Variants in XIRP2 observed in about 807,000 individuals in gnomAD.
The protein encoded by XIRP2 is xin actin-binding repeat-containing protein 2.
Under a neutral mutation model 277.0 loss-of-function variants are expected in XIRP2, and 236 were observed. The ratio of observed to expected loss-of-function variants is 0.85; its 90% CI spans 0.77 to 0.95. The LOEUF (loss-of-function observed/expected upper bound fraction) is 0.95, where lower values mean the gene tolerates loss of function less well. Ranked by LOEUF, XIRP2 falls within the 40% of genes least tolerant of loss-of-function variation. The probability of loss-of-function intolerance (pLI) is 0.00; values close to 1 mark genes in which losing one functional copy is unlikely to be tolerated. For synonymous variants in XIRP2, 1,490 were observed against 1,416.5 expected, an observed-to-expected ratio of 1.05 and a Z score of -1.17; for missense variants, 4,640 against 4,157.5, an observed-to-expected ratio of 1.12 and a Z score of -3.19.
At chr2:167,220,533 TTTC>T (rs1387237343) in intron 5 of XIRP2, among the ~76,000 whole-genome samples, 1 of 152,228 alleles carries the variant, frequency 6.6e-6, no homozygotes, top group Non-Finnish European at 1.5e-5. Flanking sequence ...CTTTATCAGA[TTTC>T]TTCTTCTTAA....
At chr2:167,197,582 A>C (rs1015308649) in intron 3 of XIRP2, among the ~76,000 whole-genome samples, 3 of 152,106 alleles carry the variant, frequency 2.0e-5, no homozygotes, top group Admixed American at 6.5e-5. Flanking sequence ...GCCACTCACT[A>C]TTAGGGAACA....
At chr2:166,985,875 A>C (rs1330113223) in intron 2 of XIRP2, among the ~76,000 whole-genome samples, 3 of 152,146 alleles carry the variant, frequency 2.0e-5, no homozygotes, top group Non-Finnish European at 4.4e-5. Context: ...ATATTCCTAA[A>C]ATCAGGTGAT....
At chr2:167,224,418 GT>G (rs1050178961) in intron 5 of XIRP2, among the ~76,000 whole-genome samples, 19 of 146,528 alleles carry the variant, frequency 1.3e-4, no homozygotes, top group African/African-American at 3.8e-4. Context: ...TTTTGTTTTT[GT>G]TTTTTTTTTA....
intron 2 of XIRP2, among the ~76,000 whole-genome samples, chr2:166,954,354 A>G (rs1293154672): frequency 2.0e-5 from 3 of 152,012 alleles, no homozygotes; most frequent in African/African-American, 7.2e-5. Flanking sequence ...AATGCAAACC[A>G]AAACCACAGT....
chr2:167,243,473 A>T lies in XIRP2; in HGVS notation c.2081A>T (p.Tyr694Phe), dbSNP rs752704315. 1 of 1,614,146 alleles carries T rather than the reference A, an allele frequency of 6.2e-7. No individual in the cohort carries two copies. The highest frequency in any genetic ancestry group is 1.7e-5 in the Admixed American group (1 of 60,028). The change falls in exon 9 of 11, where the codon TAC becomes TTC. Residue 694 changes from tyrosine to phenylalanine, a missense_variant. Coordinates refer to ENST00000409195, the MANE Select transcript of XIRP2 (RefSeq NM_152381.6). ...ITGGDVKTVR[Y>F]MFETQHLDQL... ...GGGGGGGATGTCAAGACTGTGAGAT[A>T]CATGTTTGAAACTCAACATCTAGAT... is the stretch of plus-strand genomic sequence containing the variant.
At chr2:167,190,057 A>G (rs898206810) in intron 3 of XIRP2, among the ~76,000 whole-genome samples, 2 of 152,204 alleles carry the variant, frequency 1.3e-5, no homozygotes, top group Non-Finnish European at 2.9e-5. Flanking sequence ...TCAGGAACAG[A>G]CAGATGGAAG....
intron 2 of XIRP2, among the ~76,000 whole-genome samples, chr2:167,088,155 T>C (rs1233710652): frequency 2.0e-5 from 3 of 152,162 alleles, no homozygotes; most frequent in Admixed American, 2.0e-4. Context: ...TCAAAAATTA[T>C]AAATTATGAT....
At position 166,963,775 on chromosome 2, in the gene XIRP2, C is replaced by T. The variant is rs369951401; in HGVS notation, c.408+59885C>T. Among the ~76,000 whole-genome samples the T allele has an allele frequency of 2.6e-3, 400 of 151,862 alleles. 5 individuals carry two copies. Among genetic ancestry groups the T allele is most frequent in the South Asian group, 0.02 (98 of 4,818 alleles). On this transcript the variant is annotated intron_variant, in intron 2 of 10. Transcript: ENST00000409195. ...AAGTCAGAGAGGTAAGCAGGAGTGACAACATGTAACATCTTGAAATTTACT... is the reference window on the plus strand; with the variant it reads ...AAGTCAGAGAGGTAAGCAGGAGTGATAACATGTAACATCTTGAAATTTACT...
At chr2:167,104,586 CT>C (rs758747957) in intron 2 of XIRP2, among the ~76,000 whole-genome samples, 19 of 152,020 alleles carry the variant, frequency 1.2e-4, no homozygotes, top group Non-Finnish European at 2.1e-4. Flanking sequence ...GGAATATTAA[CT>C]TTTTATTACA....
rs1264679074 is a variant in XIRP2 at position 167,247,858 on chromosome 2, A to G, written c.6466A>G (p.Thr2156Ala). 8.1e-6 allele frequency: 13 copies of G among 1,613,604 alleles called. No individual in the cohort carries two copies. In the South Asian group the frequency reaches 1.4e-4, roughly 18 times the overall value. Residue 2156 changes from threonine (T) to alanine (A), a missense_variant, in exon 9 of 11, where the codon ACA becomes GCA. Coordinates refer to ENST00000409195, the MANE Select transcript of XIRP2 (RefSeq NM_152381.6). ...CAAAAATATTAAAATATTAACTGAT[A>G]CACAAAGCTCCAAGCCCAGTCCCAC... The part of the protein sequence containing the change: ...KTKNIKILTD[T>A]QSSKPSPTQH...
At chr2:167,183,759 AG>A in intron 3 of XIRP2, among the ~76,000 whole-genome samples, 1 of 149,710 alleles carries the variant, frequency 6.7e-6, no homozygotes, top group East Asian at 1.9e-4. Flanking sequence ...TTTTTTTTTT[AG>A]TATCAATGAC....
chr2:166,996,683 TC>T (rs1687230385), intron 2 of XIRP2, among the ~76,000 whole-genome samples: 1 of 152,166 alleles, frequency 6.6e-6, no homozygotes, highest in Non-Finnish European at 1.5e-5. Flanking sequence ...TCAGTATGTT[TC>T]AGAATTCTAT....
At chr2:166,954,053 C>T (rs1199949863) in intron 2 of XIRP2, among the ~76,000 whole-genome samples, 2 of 151,836 alleles carry the variant, frequency 1.3e-5, no homozygotes, top group Non-Finnish European at 2.9e-5. Flanking sequence ...ACCCATCACT[C>T]CAAGGAACTG....
intron 5 of XIRP2, among the ~76,000 whole-genome samples, chr2:167,220,649 G>C (rs1039886541): frequency 3.9e-5 from 6 of 152,098 alleles, no homozygotes; most frequent in African/African-American, 1.4e-4. Flanking sequence ...TTTCCCAGAA[G>C]TCCCAAGAAA....
At chr2:167,148,413 AAGAG>A (rs1190803678) in intron 3 of XIRP2, among the ~76,000 whole-genome samples, 7 of 147,662 alleles carry the variant, frequency 4.7e-5, no homozygotes, top group Non-Finnish European at 1.0e-4. Flanking sequence ...AAAAGAAAGA[AAGAG>A]AGAAAGAAAG....
chr2:167,040,812 G>T (rs1431795856), intron 2 of XIRP2, among the ~76,000 whole-genome samples: 1 of 152,102 alleles, frequency 6.6e-6, no homozygotes, highest in African/African-American at 2.4e-5. Flanking sequence ...GATAGCTTTT[G>T]CAGGGTGGGC....
intron 3 of XIRP2, among the ~76,000 whole-genome samples, chr2:167,154,966 ACCT>A (rs1323706112): frequency 1.3e-5 from 2 of 151,688 alleles, no homozygotes; most frequent in Non-Finnish European, 3.0e-5. Flanking sequence ...TACTACAAAC[ACCT>A]CTACGCAAAT....
At chr2:167,191,485 G>A (rs1232733693) in intron 3 of XIRP2, among the ~76,000 whole-genome samples, 2 of 150,644 alleles carry the variant, frequency 1.3e-5, no homozygotes, top group Non-Finnish European at 3.0e-5. Flanking sequence ...ACATTTCCAA[G>A]TATATCTTGA....
rs768098228 is a variant in XIRP2 at position 167,249,597 on chromosome 2, A to G, written c.8205A>G (p.Gln2735=). 4 of 1,613,692 alleles carry G rather than the reference A, an allele frequency of 2.5e-6. No homozygotes were observed. The East Asian group carries it at 6.7e-5, about 27-fold the overall frequency. Residue 2735 remains glutamine, a synonymous_variant, in exon 9 of 11, where the codon CAA becomes CAG. Coordinates refer to ENST00000409195, the MANE Select transcript of XIRP2 (RefSeq NM_152381.6). ...ACAGCTATGAAAGTCATAAACAGCAATCTGAGATTGATGTTCAAACCTTTA... is the reference window on the plus strand; with the variant it reads ...ACAGCTATGAAAGTCATAAACAGCAGTCTGAGATTGATGTTCAAACCTTTA... The part of the protein sequence containing the change: ...TDHSYESHKQ[Q]SEIDVQTFTK...
Sources: gnomAD v4.1 joint callset for allele counts (sites outside exome capture counted in the v4.1 genomes callset) on GRCh38, gnomAD v4.1.1 for gene constraint, MANE v1.5 for transcripts, NCBI Gene and HGNC (gene_info 2026-07-23, HGNC 2026-07-21) for gene names.